Variants in FUT8 observed in about 807,000 individuals in gnomAD.
FUT8 encodes fucosyltransferase 8, also known as alpha-(1,6)-fucosyltransferase.
In FUT8, 29 loss-of-function variants were observed where a neutral mutation model predicts 71.3. The ratio of observed to expected loss-of-function variants is 0.41; its 90% CI spans 0.30 to 0.55. FUT8 has a LOEUF of 0.55. Ranked by LOEUF, FUT8 falls within the 20% of genes least tolerant of loss-of-function variation. The probability of loss-of-function intolerance (pLI) is 0.34; values close to 1 mark genes in which losing one functional copy is unlikely to be tolerated. For synonymous variants in FUT8, 254 were observed against 239.3 expected (o/e 1.06, Z -0.57); for missense variants, 544 against 702.1 (o/e 0.77, Z 2.55).
intron 6 of FUT8, among the ~76,000 whole-genome samples, chr14:65,650,852 G>C (rs1001857804): frequency 2.0e-5 from 3 of 152,068 alleles, no homozygotes; most frequent in African/African-American, 7.2e-5. Context: ...GGACAGAGAG[G>C]GGGGAAAAAA....
intron 3 of FUT8, among the ~76,000 whole-genome samples, chr14:65,587,022 A>C (rs769966946): frequency 3.3e-5 from 5 of 152,046 alleles, no homozygotes; most frequent in African/African-American, 1.2e-4. Context: ...CCCCATCTCT[A>C]TTAAAAATAC....
chr14:65,578,739 G>A (rs771794766), intron 3 of FUT8, among the ~76,000 whole-genome samples: 5 of 152,094 alleles, frequency 3.3e-5, no homozygotes, highest in Admixed American at 6.6e-5. Context: ...GCTGTCTGAA[G>A]GAGAACAAAT....
chr14:65,704,026 C>G (rs1481024957), intron 7 of FUT8, among the ~76,000 whole-genome samples: 1 of 152,100 alleles, frequency 6.6e-6, no homozygotes, highest in African/African-American at 2.4e-5. Context: ...ATTCTTATAT[C>G]TTAGGGTATT....
intron 7 of FUT8, among the ~76,000 whole-genome samples, chr14:65,712,466 C>T (rs932477982): frequency 3.9e-5 from 6 of 152,098 alleles, no homozygotes; most frequent in South Asian, 2.1e-4. Flanking sequence ...GTTTTTGAGA[C>T]GAAGTTTCGC....
chr14:65,497,770 T>A (rs1461882812), intron 2 of FUT8, among the ~76,000 whole-genome samples: 2 of 152,132 alleles, frequency 1.3e-5, no homozygotes, highest in African/African-American at 2.4e-5. Flanking sequence ...TTTATTCAGT[T>A]ATTCAAACAA....
At chr14:65,408,062 A>C (rs1447393099), upstream of FUT8, among the ~76,000 whole-genome samples, 1 of 152,168 alleles carries the variant, frequency 6.6e-6, no homozygotes, top group African/African-American at 2.4e-5. Flanking sequence ...ATTCTAGTCT[A>C]GCATAACCTA....
chr14:65,585,856 A>G (rs1467349866), intron 3 of FUT8, among the ~76,000 whole-genome samples: 1 of 152,216 alleles, frequency 6.6e-6, no homozygotes, highest in Non-Finnish European at 1.5e-5. Context: ...GCCTTGTAAC[A>G]TAATTACTGA....
At chr14:65,524,204 A>G (rs556670538) in intron 2 of FUT8, among the ~76,000 whole-genome samples, 18 of 152,288 alleles carry the variant, frequency 1.2e-4, no homozygotes, top group African/African-American at 3.8e-4. Flanking sequence ...CCTATCCGTG[A>G]GCATGGAATG....
chr14:65,727,896 A>G (rs986162027), intron 9 of FUT8, among the ~76,000 whole-genome samples: 5 of 152,290 alleles, frequency 3.3e-5, no homozygotes, highest in African/African-American at 1.2e-4. Context: ...TCCGCCAGAT[A>G]CCCTAAATCA....
At chr14:65,671,377 A>G (rs1892470370) in intron 7 of FUT8, among the ~76,000 whole-genome samples, 1 of 152,160 alleles carries the variant, frequency 6.6e-6, no homozygotes, top group African/African-American at 2.4e-5. Flanking sequence ...TTGAATTTCA[A>G]ACACTCAGAA....
intron 3 of FUT8, among the ~76,000 whole-genome samples, chr14:65,605,255 C>T (rs1888520887): frequency 6.6e-6 from 1 of 151,852 alleles, no homozygotes; most frequent in South Asian, 2.1e-4. Flanking sequence ...GCAATATTTT[C>T]TAAACAAATT....
the FUT8 span, among the ~76,000 whole-genome samples, chr14:65,393,623 A>G: frequency 1.3e-5 from 2 of 152,192 alleles, no homozygotes; most frequent in African/African-American, 4.8e-5. Context: ...GTTTCTGAGC[A>G]GGAAATGGCC....
At chr14:65,740,987 T>C (rs1240361702) in intron 10 of FUT8, among the ~76,000 whole-genome samples, 1 of 152,054 alleles carries the variant, frequency 6.6e-6, no homozygotes, top group Non-Finnish European at 1.5e-5. Context: ...TTTAAATACA[T>C]GCAAAACTAT....
At chr14:65,683,875 A>G (rs1237910294) in intron 7 of FUT8, among the ~76,000 whole-genome samples, 1 of 151,950 alleles carries the variant, frequency 6.6e-6, no homozygotes, top group Non-Finnish European at 1.5e-5. Flanking sequence ...TTTTCTGAAT[A>G]TCATTAATAT....
At chr14:65,482,661 A>G (rs1314162270) in intron 2 of FUT8, among the ~76,000 whole-genome samples, 1 of 152,088 alleles carries the variant, frequency 6.6e-6, no homozygotes, top group African/African-American at 2.4e-5. Context: ...TAACCCATAC[A>G]ACTGCTTGTT....
At position 65,591,221 on chromosome 14, in the gene FUT8, G is replaced by A. The variant is rs77673271; in HGVS notation, c.204-24757G>A. Among the ~76,000 whole-genome samples the A allele has an allele frequency of 5.7e-3, 874 of 152,122 alleles. 30 individuals carry two copies. The East Asian group carries it at 0.093, about 16-fold the overall frequency. ...TTTCCATTTTAATATGGAGAAACTCGGATTTACTTTTGGAGTTGGTATTAA... is the reference window on the plus strand; with the variant it reads ...TTTCCATTTTAATATGGAGAAACTCAGATTTACTTTTGGAGTTGGTATTAA... On this transcript the variant is annotated intron_variant, in intron 3 of 10. Coordinates refer to ENST00000673929, the MANE Select transcript of FUT8 (RefSeq NM_001371533.1).
At chr14:65,579,486 A>G (rs961031382) in intron 3 of FUT8, among the ~76,000 whole-genome samples, 3 of 152,326 alleles carry the variant, frequency 2.0e-5, no homozygotes, top group African/African-American at 7.2e-5. Context: ...GAGATTAACC[A>G]TAATGATAGG....
At chr14:65,715,680 A>AT (rs1417102668) in intron 7 of FUT8, among the ~76,000 whole-genome samples, 3 of 152,116 alleles carry the variant, frequency 2.0e-5, no homozygotes, top group African/African-American at 7.2e-5. Context: ...GTTTCAAGAA[A>AT]TTTTTTTAAT....
intron 3 of FUT8, among the ~76,000 whole-genome samples, chr14:65,586,955 G>A (rs976073415): frequency 4.6e-5 from 7 of 152,082 alleles, no homozygotes; most frequent in South Asian, 2.1e-4. Flanking sequence ...TTGGGAGGCC[G>A]AGGCGGGTGG....
Sources: gnomAD v4.1 joint callset for allele counts (sites outside exome capture counted in the v4.1 genomes callset) on GRCh38, gnomAD v4.1.1 for gene constraint, MANE v1.5 for transcripts, NCBI Gene and HGNC (gene_info 2026-07-23, HGNC 2026-07-21) for gene names.